Variants in PSMG2 observed in about 807,000 individuals in gnomAD.
The protein encoded by PSMG2 is CD40 ligand-activated specific transcript 3.
Under a neutral mutation model 31.5 loss-of-function variants are expected in PSMG2, and 21 were observed. The ratio of observed to expected loss-of-function variants is 0.67; its 90% CI spans 0.47 to 0.96. PSMG2 has a LOEUF of 0.96. Ranked by LOEUF, PSMG2 falls within the 40% of genes least tolerant of loss-of-function variation. The pLI is 0.00. For missense variants in PSMG2, 318 were observed against 321.2 expected (o/e 0.99, Z 0.08); for synonymous variants, 120 against 110.4 (o/e 1.09, Z -0.54).
intron 2 of PSMG2, among the ~76,000 whole-genome samples, chr18:12,710,028 T>C (rs1414121475): frequency 6.7e-6 from 1 of 149,848 alleles, no homozygotes; most frequent in Non-Finnish European, 1.5e-5. Flanking sequence ...CTGCAAGCTC[T>C]GCCTCCCGGG....
upstream of PSMG2, among the ~76,000 whole-genome samples, chr18:12,700,702 C>A (rs1568035171): frequency 6.6e-6 from 1 of 152,022 alleles, no homozygotes; most frequent in East Asian, 1.9e-4. Flanking sequence ...AATTTACAGA[C>A]CTAGAAAATA....
intron 1 of PSMG2, among the ~76,000 whole-genome samples, chr18:12,664,604 C>G (rs540920791): frequency 6.6e-6 from 1 of 151,952 alleles, no homozygotes; most frequent in East Asian, 1.9e-4. Flanking sequence ...AAGCTGGTCT[C>G]AAATTCCTGG....
At position 12,697,299 on chromosome 18, in the gene PSMG2, T is replaced by G. The variant is rs146647843; in HGVS notation, c.-36-9251T>G. The stretch of plus-strand genomic sequence containing the variant: ...AAACCGATCGCCATTCCAGAAAATA[T>G]GATGCTACTAAAGTCGTCTCACCAA... On this transcript the variant is annotated intron_variant, in intron 1 of 6. Coordinates refer to the PSMG2 transcript ENST00000585331. 1.0e-3 allele frequency: 1,691 copies of G among 1,614,044 alleles called. 9 individuals are homozygous for G. Among genetic ancestry groups the G allele is most frequent in the East Asian group, 2.5e-3 (112 of 44,864 alleles).
At chr18:12,689,976 A>T (rs2039691541) in intron 1 of PSMG2, among the ~76,000 whole-genome samples, 1 of 152,160 alleles carries the variant, frequency 6.6e-6, no homozygotes, top group Non-Finnish European at 1.5e-5. Context: ...TTTAGTAGAG[A>T]CAAGGTTTCG....
intron 1 of PSMG2, chr18:12,673,484 T>C: frequency 6.3e-7 from 1 of 1,584,066 alleles, no homozygotes; most frequent in Non-Finnish European, 8.5e-7. Flanking sequence ...CAACAGATTA[T>C]TTCTTCACAG....
At chr18:12,698,910 A>G, upstream of PSMG2, 3 of 1,124,736 alleles carry the variant, frequency 2.7e-6, no homozygotes, top group Non-Finnish European at 3.8e-6. Context: ...AAAAGTCATT[A>G]TTATTGTTTC....
intron 5 of PSMG2, among the ~76,000 whole-genome samples, chr18:12,723,389 A>C (rs778398654): frequency 6.7e-5 from 10 of 149,742 alleles, no homozygotes; most frequent in Non-Finnish European, 1.2e-4. Context: ...GAGAGACCTA[A>C]CTAGATATAG....
upstream of PSMG2, chr18:12,699,077 TGTAAACATAAA>T (rs779064185): frequency 6.2e-7 from 1 of 1,614,130 alleles, no homozygotes; most frequent in South Asian, 1.1e-5. Flanking sequence ...GTTTCGATAA[TGTAAACATAAA>T]GTAAACGTTG....
At chr18:12,687,949 C>T (rs1405152114) in intron 1 of PSMG2, among the ~76,000 whole-genome samples, 1 of 151,814 alleles carries the variant, frequency 6.6e-6, no homozygotes, top group African/African-American at 2.4e-5. Context: ...TTTCTTAAAA[C>T]CTAATGGCCT....
chr18:12,677,273 C>G (rs899601849), intron 1 of PSMG2, among the ~76,000 whole-genome samples: 1 of 151,748 alleles, frequency 6.6e-6, no homozygotes, highest in African/African-American at 2.4e-5. Flanking sequence ...AACCCTATCT[C>G]TACAAAAAAT....
intron 1 of PSMG2, among the ~76,000 whole-genome samples, chr18:12,689,641 C>T (rs992060984): frequency 1.3e-5 from 2 of 152,104 alleles, no homozygotes; most frequent in African/African-American, 4.8e-5. Context: ...CAACTTCTTC[C>T]TCCTCTTTGA....
chr18:12,724,406 CAGG>C, intron 5 of PSMG2, 90 bp from the exon 6 acceptor site: 2 of 1,287,532 alleles, frequency 1.6e-6, no homozygotes, highest in Non-Finnish European at 2.1e-6. Flanking sequence ...TTTCCTAAAC[CAGG>C]TAGGTTATCG....
intron 1 of PSMG2, among the ~76,000 whole-genome samples, chr18:12,687,705 G>A (rs1165886414): frequency 6.6e-6 from 1 of 151,580 alleles, no homozygotes; most frequent in Admixed American, 6.6e-5. Context: ...CGCCCACCTC[G>A]ACCTCCCAAA....
intron 1 of PSMG2, among the ~76,000 whole-genome samples, chr18:12,677,470 A>AAAT (rs1289831849): frequency 6.7e-6 from 1 of 150,008 alleles, no homozygotes; most frequent in East Asian, 1.9e-4. Context: ...AAAAAAAAAA[A>AAAT]AAAAAAAAAA....
chr18:12,701,758 T>C (rs376270277), upstream of PSMG2, among the ~76,000 whole-genome samples: 10 of 152,334 alleles, frequency 6.6e-5, no homozygotes, highest in African/African-American at 2.4e-4. Context: ...GTAACTTCTC[T>C]TCCATGACTT....
intron 6 of PSMG2, 106 bp from the exon 7 acceptor site, chr18:12,725,333 A>G: frequency 1.2e-6 from 1 of 835,512 alleles, no homozygotes; most frequent in Non-Finnish European, 1.8e-6. Flanking sequence ...CCTGGCTATA[A>G]AAGTGCCAAC....
intron 1 of PSMG2, among the ~76,000 whole-genome samples, chr18:12,677,099 A>G (rs1361556629): frequency 6.6e-6 from 1 of 152,166 alleles, no homozygotes; most frequent in Non-Finnish European, 1.5e-5. Flanking sequence ...CTTTATGACT[A>G]ATACTTTTTA....
chr18:12,660,437 T>G (rs2038673835), intron 1 of PSMG2, among the ~76,000 whole-genome samples: 2 of 151,832 alleles, frequency 1.3e-5, no homozygotes, highest in Admixed American at 1.3e-4. Context: ...TTCTCGTGCC[T>G]CGGCCTCCCG....
intron 1 of PSMG2, chr18:12,684,655 A>AT (rs1395970976): frequency 1.3e-5 from 2 of 150,710 alleles, no homozygotes; most frequent in Non-Finnish European, 3.0e-5. Context: ...TAATTTTTGT[A>AT]TTTTTTCAGT....
Sources: allele counts gnomAD v4.1 joint callset (sites outside exome capture counted in the v4.1 genomes callset), GRCh38; gene constraint gnomAD v4.1.1; transcripts MANE v1.5; gene names NCBI Gene and HGNC (gene_info 2026-07-23, HGNC 2026-07-21).